Variants in PACRG observed in about 807,000 individuals in gnomAD.
The protein encoded by PACRG is parkin coregulated.
PACRG carries 29 observed loss-of-function variants against 29.7 expected under a neutral mutation model. That is an observed-to-expected ratio of 0.98 (90% CI 0.73 to 1.33). PACRG has a LOEUF of 1.33. Among genes scored for constraint, PACRG ranks in the 40% most tolerant of loss-of-function variants. PACRG has a pLI of 0.00. For missense variants in PACRG, 279 were observed against 316.2 expected (o/e 0.88, Z 0.89); for synonymous variants, 116 against 118.7 (o/e 0.98, Z 0.15).
intron 4 of PACRG, among the ~76,000 whole-genome samples, chr6:163,213,200 C>T (rs1265645274): frequency 6.6e-6 from 1 of 152,010 alleles, no homozygotes; most frequent in East Asian, 1.9e-4. Flanking sequence ...AAACCTGACT[C>T]TAATCATTAG....
chr6:163,005,721 A>G (rs1805002590), intron 2 of PACRG, among the ~76,000 whole-genome samples: 1 of 144,692 alleles, frequency 6.9e-6, no homozygotes, highest in Non-Finnish European at 1.5e-5. Context: ...CCTAGTATAT[A>G]TGTTCAAATA....
At chr6:162,863,649 G>A (rs974778780) in intron 2 of PACRG, among the ~76,000 whole-genome samples, 5 of 152,098 alleles carry the variant, frequency 3.3e-5, no homozygotes, top group Admixed American at 1.3e-4. Flanking sequence ...TCGATGCTGC[G>A]GCACAGCAGG....
rs189185632 is a variant in PACRG, at chr6:163,297,134, C to T, written c.614-17693C>T. ...TAATATCTTTCTTCCTGCGACGAAG[C>T]TTTGTTTCTTTAGTTAAATTGAAAT... On this transcript the variant is annotated intron_variant, in intron 4 of 4. Coordinates refer to ENST00000366888, the MANE Select transcript of PACRG (RefSeq NM_001080379.2). Among the ~76,000 whole-genome samples, 437 of 152,330 alleles carry T rather than the reference C, an allele frequency of 2.9e-3. 2 individuals carry two copies. Among genetic ancestry groups the T allele is most frequent in the Non-Finnish European group, 4.8e-3 (328 of 68,024 alleles).
intron 2 of PACRG, among the ~76,000 whole-genome samples, chr6:162,913,084 T>C (rs1796425631): frequency 6.6e-6 from 1 of 152,246 alleles, no homozygotes; most frequent in Admixed American, 6.5e-5. Flanking sequence ...TTTAGGCTTA[T>C]TTGTGTGTTC....
At chr6:163,093,827 G>T (rs1000034658) in intron 4 of PACRG, among the ~76,000 whole-genome samples, 2 of 152,140 alleles carry the variant, frequency 1.3e-5, no homozygotes, top group Non-Finnish European at 2.9e-5. Flanking sequence ...CTAATAAAAA[G>T]TTCATTAAAG....
At chr6:162,820,700 T>G (rs1053637604) in intron 2 of PACRG, among the ~76,000 whole-genome samples, 1 of 152,226 alleles carries the variant, frequency 6.6e-6, no homozygotes, top group Non-Finnish European at 1.5e-5. Flanking sequence ...TATTGACTTT[T>G]GAAATCTTGT....
chr6:163,091,493 C>T (rs1056239903), intron 4 of PACRG, among the ~76,000 whole-genome samples: 3 of 152,186 alleles, frequency 2.0e-5, no homozygotes, highest in Non-Finnish European at 4.4e-5. Flanking sequence ...TTTCTAAATG[C>T]ATGCATCAGG....
intron 2 of PACRG, among the ~76,000 whole-genome samples, chr6:163,047,488 A>G (rs145097940): frequency 6.6e-6 from 1 of 152,168 alleles, no homozygotes; most frequent in Non-Finnish European, 1.5e-5. Context: ...TTTCTTATTT[A>G]TTACACTTGA....
At chr6:163,213,141 G>GCTGC (rs1781221836) in intron 4 of PACRG, among the ~76,000 whole-genome samples, 1 of 152,164 alleles carries the variant, frequency 6.6e-6, no homozygotes, top group Non-Finnish European at 1.5e-5. Flanking sequence ...CAAATTAAAA[G>GCTGC]CACGTGGCAG....
upstream of PACRG, chr6:162,727,283 A>AGGGGCGACGGTGAGGGGCGGCGGC: frequency 1.9e-5 from 5 of 266,090 alleles, no homozygotes; most frequent in East Asian, 4.6e-4. Context: ...CAGTGAGGTG[A>AGGGGCGACGGTGAGGGGCGGCGGC]GGGGCGAAGG....
chr6:163,238,967 G>T lies in PACRG; in HGVS notation c.614-75860G>T, dbSNP rs189350660. ...TATCTCTGATGATGGAAGTGAGTTT[G>T]GTGGAAGCAAAGATGGCATTTGTCT... On this transcript the variant is annotated intron_variant, in intron 4 of 4. Coordinates refer to ENST00000366888, the MANE Select transcript of PACRG (RefSeq NM_001080379.2). Among the ~76,000 whole-genome samples the T allele has an allele frequency of 1.9e-3, 286 of 152,250 alleles. 3 individuals are homozygous for T. The highest frequency in any genetic ancestry group is 7.1e-4 in the Non-Finnish European group (48 of 68,022).
intron 4 of PACRG, among the ~76,000 whole-genome samples, chr6:163,110,365 A>G (rs1279342550): frequency 6.6e-6 from 1 of 152,258 alleles, no homozygotes; most frequent in African/African-American, 2.4e-5. Flanking sequence ...CAGCAAATAT[A>G]GAATAGTGCA....
chr6:163,190,219 T>G (rs2128360394), intron 4 of PACRG: 1 of 152,304 alleles, frequency 6.6e-6, no homozygotes, highest in Admixed American at 6.5e-5. Context: ...GCCAGAAAAC[T>G]TGCCTAAATA....
intron 4 of PACRG, among the ~76,000 whole-genome samples, chr6:163,292,061 G>A (rs1290254301): frequency 6.6e-6 from 1 of 152,204 alleles, no homozygotes; most frequent in African/African-American, 2.4e-5. Context: ...GTAGGCAGTG[G>A]AAAAGGGTGA....
rs1212771780 is a variant in PACRG, at chr6:163,210,269, A to G, written c.614-104558A>G. Among the ~76,000 whole-genome samples the G allele has an allele frequency of 2.0e-5, 3 of 152,258 alleles. No homozygotes were observed. The East Asian group carries it at 5.8e-4, about 29-fold the overall frequency. ...CAAATATATTCCTTCTAAAGCATTT[A>G]TAGAACTATCAAAGTTTAGATATTG... On this transcript the variant is annotated intron_variant, in intron 4 of 4. Transcript: ENST00000366888.
At chr6:163,200,684 A>G (rs1333948480) in intron 4 of PACRG, among the ~76,000 whole-genome samples, 2 of 152,230 alleles carry the variant, frequency 1.3e-5, no homozygotes, top group Non-Finnish European at 1.5e-5. Flanking sequence ...TGATATGATC[A>G]TTGACAAACC....
chr6:163,202,345 A>AAT (rs57848647), intron 4 of PACRG, among the ~76,000 whole-genome samples: 4,266 of 152,004 alleles, frequency 0.028, 158 homozygotes, highest in African/African-American at 0.088. Context: ...CTATGAAATA[A>AAT]ATATATATAT....
chr6:163,283,739 T>A (rs894296037), intron 4 of PACRG, among the ~76,000 whole-genome samples: 1 of 149,468 alleles, frequency 6.7e-6, no homozygotes, highest in African/African-American at 2.5e-5. Flanking sequence ...AAGCGGAGCT[T>A]GCAGTGAGCC....
intron 2 of PACRG, among the ~76,000 whole-genome samples, chr6:162,936,900 A>C (rs1157918577): frequency 6.6e-6 from 1 of 152,146 alleles, no homozygotes; most frequent in African/African-American, 2.4e-5. Context: ...GCATCTATAC[A>C]ACTGGGTTAA....
Sources: gnomAD v4.1 joint callset for allele counts (sites outside exome capture counted in the v4.1 genomes callset) on GRCh38, gnomAD v4.1.1 for gene constraint, MANE v1.5 for transcripts, NCBI Gene and HGNC (gene_info 2026-07-23, HGNC 2026-07-21) for gene names.